TMEM132C: variants seen among roughly 807,000 people sequenced by gnomAD.
TMEM132C encodes protein phosphatase 1, regulatory subunit 152.
TMEM132C carries 29 observed loss-of-function variants against 61.4 expected under a neutral mutation model. The observed-to-expected ratio is 0.47, with a 90% CI of 0.35 to 0.64. The LOEUF (loss-of-function observed/expected upper bound fraction) is 0.64. TMEM132C is among the 30% of genes least tolerant of loss of function. TMEM132C has a pLI of 0.00. For missense variants in TMEM132C, 1,408 were observed against 1,476.9 expected, an observed-to-expected ratio of 0.95 and a Z score of 0.76; for synonymous variants, 656 against 633.1, an observed-to-expected ratio of 1.04 and a Z score of -0.54.
At position 128,311,806 on chromosome 12, in the gene TMEM132C, C is replaced by T. The variant is rs1326162288; in HGVS notation, c.85+44319C>T. On this transcript the variant is annotated intron_variant, in intron 1 of 8. Coordinates refer to ENST00000435159, the MANE Select transcript of TMEM132C (RefSeq NM_001136103.3). ...CCAGCGAGGCCCCACCTCTTCCCCA[C>T]GTCCACTGTCCACATCATGCCCTCA... 6.6e-5 allele frequency among the ~76,000 whole-genome samples: 10 copies of T among 152,360 alleles called. No individual in the cohort carries two copies. The East Asian group carries it at 7.7e-4, about 12-fold the overall frequency.
chr12:128,509,846 G>T (rs1159118334), intron 2 of TMEM132C, among the ~76,000 whole-genome samples: 1 of 152,180 alleles, frequency 6.6e-6, no homozygotes, highest in African/African-American at 2.4e-5. Context: ...CATGTCACAG[G>T]CCAGAGAACA....
At chr12:128,705,003 C>G (rs1954826097) in intron 8 of TMEM132C, 87 bp from the exon 9 acceptor site, 2 of 1,407,090 alleles carry the variant, frequency 1.4e-6, no homozygotes, top group Non-Finnish European at 1.9e-6. Context: ...GTCCTGCTCC[C>G]TGTTTCATTG....
chr12:128,404,895 T>A (rs1875286711), intron 1 of TMEM132C: 1 of 144,002 alleles, frequency 6.9e-6, no homozygotes, highest in South Asian at 2.3e-4. Flanking sequence ...GAACAACCGG[T>A]GGAGGACACA....
intron 1 of TMEM132C, among the ~76,000 whole-genome samples, chr12:128,345,015 T>A (rs746221818): frequency 6.6e-5 from 10 of 151,728 alleles, no homozygotes; most frequent in Non-Finnish European, 1.3e-4. Context: ...ACCCAGGTAT[T>A]AAGTCCAGCA....
At chr12:128,300,535 C>T (rs1444326108) in intron 1 of TMEM132C, among the ~76,000 whole-genome samples, 1 of 152,130 alleles carries the variant, frequency 6.6e-6, no homozygotes, top group African/African-American at 2.4e-5. Context: ...GCCTGAGTTA[C>T]AGTGATGCCT....
At position 128,546,159 on chromosome 12, in the gene TMEM132C, G is replaced by A. The variant is rs368576697; in HGVS notation, c.1121+2056G>A. Among the ~76,000 whole-genome samples the A allele has an allele frequency of 1.1e-3, 173 of 152,244 alleles. 1 individual carries two copies. Among genetic ancestry groups the A allele is most frequent in the African/African-American group, 3.9e-3 (164 of 41,544 alleles). ...CAAGAAGGATTTTAGTGCATCTGGC[G>A]GAGGTGAGGTCAGGGACAAGGGTTG... On this transcript the variant is annotated intron_variant, in intron 3 of 8. Transcript: ENST00000435159.
At chr12:128,607,351 G>T (rs1467347702) in intron 3 of TMEM132C, among the ~76,000 whole-genome samples, 1 of 152,208 alleles carries the variant, frequency 6.6e-6, no homozygotes, top group African/African-American at 2.4e-5. Context: ...GAGGACTTCA[G>T]CTTAAGCCAA....
At position 128,366,256 on chromosome 12, in the gene TMEM132C, C is replaced by T. The variant is rs891454254; in HGVS notation, c.86-48476C>T. On this transcript the variant is annotated intron_variant, in intron 1 of 8. Coordinates refer to ENST00000435159, the MANE Select transcript of TMEM132C (RefSeq NM_001136103.3). ...CTGTCTGCTTTTCCTTTTTTACCTCCCCTGTCCCCTACCCGGTTTTCTAGC... is the reference window on the plus strand; with the variant it reads ...CTGTCTGCTTTTCCTTTTTTACCTCTCCTGTCCCCTACCCGGTTTTCTAGC... Among the ~76,000 whole-genome samples, 5 of 152,176 alleles carry T rather than the reference C, an allele frequency of 3.3e-5. No homozygotes were observed. In the East Asian group the frequency reaches 7.7e-4, roughly 23 times the overall value.
At chr12:128,307,342 G>A (rs1290526709) in intron 1 of TMEM132C, among the ~76,000 whole-genome samples, 1 of 151,764 alleles carries the variant, frequency 6.6e-6, no homozygotes, top group Non-Finnish European at 1.5e-5. Context: ...AAGTCAAAAT[G>A]TGTCTTAGAA....
Position 128,453,530 on chromosome 12 carries a change from C to A in TMEM132C, c.974+37910C>A, listed in dbSNP as rs576003261. Among the ~76,000 whole-genome samples the A allele has an allele frequency of 9.9e-4, 150 of 152,242 alleles. 2 individuals are homozygous for A. Among genetic ancestry groups the A allele is most frequent in the South Asian group, 9.5e-3 (46 of 4,826 alleles). ...AGACACTGCTGGGCTCAAAGAGTCA[C>A]ACTGAGCCAGCCCAGAATCAAGGAA... is the stretch of plus-strand genomic sequence containing the variant. On this transcript the variant is annotated intron_variant, in intron 2 of 8. Transcript: ENST00000435159.
chr12:128,351,743 A>G (rs746619095), intron 1 of TMEM132C, among the ~76,000 whole-genome samples: 28 of 152,142 alleles, frequency 1.8e-4, no homozygotes, highest in Non-Finnish European at 3.4e-4. Context: ...TGAGAATCTC[A>G]TCAAGCTATC....
Position 128,507,881 on chromosome 12 carries a change from A to G in TMEM132C, c.975-36076A>G, listed in dbSNP as rs942746694. On this transcript the variant is annotated intron_variant, in intron 2 of 8. Transcript: ENST00000435159. The stretch of plus-strand genomic sequence containing the variant: ...CCTGAGGACCATTTTGTAAAGTGGG[A>G]TTAAGATGCTGTGTGAGGAGATGGT... 3.3e-5 allele frequency among the ~76,000 whole-genome samples: 5 copies of G among 152,216 alleles called. No homozygotes were observed. The South Asian group carries it at 6.2e-4, about 19-fold the overall frequency.
At chr12:128,644,582 C>T (rs1019574581) in intron 4 of TMEM132C, among the ~76,000 whole-genome samples, 3 of 152,172 alleles carry the variant, frequency 2.0e-5, no homozygotes, top group Admixed American at 6.5e-5. Flanking sequence ...GATCAGTGAT[C>T]GCTGGGGGCT....
intron 1 of TMEM132C, among the ~76,000 whole-genome samples, chr12:128,381,657 A>G (rs1320595847): frequency 6.6e-6 from 1 of 152,208 alleles, no homozygotes; most frequent in Non-Finnish European, 1.5e-5. Context: ...CGGAAGGCAC[A>G]GTCACTGGGC....
chr12:128,541,463 C>A (rs957749562), intron 2 of TMEM132C, among the ~76,000 whole-genome samples: 5 of 152,178 alleles, frequency 3.3e-5, no homozygotes, highest in African/African-American at 1.2e-4. Context: ...TTGCCTTGGT[C>A]TTTCTGGTGA....
intron 1 of TMEM132C, among the ~76,000 whole-genome samples, chr12:128,349,653 G>A (rs1234148106): frequency 2.0e-5 from 3 of 152,072 alleles, no homozygotes; most frequent in Admixed American, 1.3e-4. Flanking sequence ...TGTGTTTCAG[G>A]TATGCTAGGT....
intron 1 of TMEM132C, among the ~76,000 whole-genome samples, chr12:128,350,799 A>G (rs149754439): frequency 0.013 from 2,010 of 152,038 alleles, 47 homozygotes; most frequent in African/African-American, 0.046. Context: ...CTCCTTTGCA[A>G]CTAGGCTTGG....
At chr12:128,466,706 T>G (rs908405632) in intron 2 of TMEM132C, among the ~76,000 whole-genome samples, 2 of 152,094 alleles carry the variant, frequency 1.3e-5, no homozygotes, top group Non-Finnish European at 2.9e-5. Flanking sequence ...TTTGTAGAGA[T>G]AGGGTTTCAC....
chr12:128,341,316 T>C (rs1464259618), intron 1 of TMEM132C, among the ~76,000 whole-genome samples: 1 of 152,250 alleles, frequency 6.6e-6, no homozygotes, highest in African/African-American at 2.4e-5. Flanking sequence ...ATACATTTGT[T>C]ATTTTTACCA....
Sources: allele counts gnomAD v4.1 joint callset (sites outside exome capture counted in the v4.1 genomes callset), GRCh38; gene constraint gnomAD v4.1.1; transcripts MANE v1.5; gene names NCBI Gene and HGNC (gene_info 2026-07-23, HGNC 2026-07-21).